The following ZKSCAN1 variants were observed in gnomAD, a reference collection of about 807,000 sequenced individuals.
The protein encoded by ZKSCAN1 is zinc finger with KRAB and SCAN domains 1, also known as zinc finger protein with KRAB and SCAN domains 1.
In ZKSCAN1, 14 loss-of-function variants were observed where a neutral mutation model predicts 51.6. The ratio of observed to expected loss-of-function variants is 0.27; its 90% CI spans 0.18 to 0.42. The LOEUF (loss-of-function observed/expected upper bound fraction) is 0.42, where lower values mean the gene tolerates loss of function less well. Among genes scored for constraint, ZKSCAN1 ranks in the 10% least tolerant of loss-of-function variants. ZKSCAN1 has a pLI of 1.00. For missense variants in ZKSCAN1, 531 were observed against 710.0 expected (o/e 0.75, Z 2.86); for synonymous variants, 263 against 261.5 (o/e 1.01, Z -0.06).
Position 100,037,925 on chromosome 7 carries a change from C to T in ZKSCAN1, c.*3728C>T. 1 of 791,254 alleles carries T rather than the reference C, an allele frequency of 1.3e-6. No individual in the cohort carries two copies. Among genetic ancestry groups the T allele is most frequent in the Non-Finnish European group, 1.5e-6 (1 of 653,214 alleles). 49.0% of individuals were successfully genotyped at this position (791,254 alleles called of 1,614,324 possible). ...GTCCCAGCTACTCGGGAGGCTGAGG[C>T]AGGAGAATGGCTTGAACCTGCGAGG... On this transcript the variant is annotated 3_prime_UTR_variant, in exon 6 of 6. Transcript: ENST00000324306.
At chr7:100,017,190 G>A (rs1233213994) in intron 1 of ZKSCAN1, among the ~76,000 whole-genome samples, 2 of 151,872 alleles carry the variant, frequency 1.3e-5, no homozygotes, top group Non-Finnish European at 2.9e-5. Flanking sequence ...TTAAAAAAAT[G>A]AGTGTAAAGG....
chr7:100,018,432 T>G (rs1420440941), intron 1 of ZKSCAN1, among the ~76,000 whole-genome samples: 1 of 147,462 alleles, frequency 6.8e-6, no homozygotes, highest in Non-Finnish European at 1.5e-5. Context: ...TGAGACAGAG[T>G]CTCGCTCTGT....
At chr7:100,017,331 T>C (rs2115801025) in intron 1 of ZKSCAN1, among the ~76,000 whole-genome samples, 1 of 152,260 alleles carries the variant, frequency 6.6e-6, no homozygotes, top group Non-Finnish European at 1.5e-5. Context: ...CAAGCGATCC[T>C]CCTGCCTCCG....
At chr7:100,031,273 ATTT>A (rs60390216) in intron 5 of ZKSCAN1, among the ~76,000 whole-genome samples, 168 of 89,508 alleles carry the variant, frequency 1.9e-3, no homozygotes, top group South Asian at 5.0e-3. Context: ...GTACTAGATG[ATTT>A]TTTTTTTTTT....
Position 100,039,559 on chromosome 7 carries a change from T to A in ZKSCAN1, c.*5362T>A. On this transcript the variant is annotated 3_prime_UTR_variant, in exon 6 of 6. Coordinates refer to ENST00000324306, the MANE Select transcript of ZKSCAN1 (RefSeq NM_003439.4). Reference sequence around the variant, plus strand: ...GCAAAGACTCGTTGCTGTGAAAGAATCTTTTTTTAATTTTTATCCTAGAGT... The same window carrying A: ...GCAAAGACTCGTTGCTGTGAAAGAAACTTTTTTTAATTTTTATCCTAGAGT... The A allele has an allele frequency of 1.0e-6, 1 of 985,422 alleles. No homozygotes were observed. The allele number at this position is 985,422 out of a possible 1,614,324, so 61.0% of individuals were successfully genotyped here. A position where few individuals can be genotyped will look rare whatever the true frequency, so the allele number is the denominator to read the frequency against.
chr7:100,026,114 G>T (rs1790822255), intron 3 of ZKSCAN1, among the ~76,000 whole-genome samples: 1 of 151,546 alleles, frequency 6.6e-6, no homozygotes, highest in Non-Finnish European at 1.5e-5. Flanking sequence ...CAGCTACTCA[G>T]GAGGCTGAGG....
At chr7:100,029,477 T>C (rs572160860) in intron 3 of ZKSCAN1, among the ~76,000 whole-genome samples, 1 of 152,220 alleles carries the variant, frequency 6.6e-6, no homozygotes, top group South Asian at 2.1e-4. Context: ...TGGAGGAAAT[T>C]AGGAGCCAGA....
Position 100,041,496 on chromosome 7 carries a change from G to A in ZKSCAN1, c.*7299G>A. 5 of 985,406 alleles carry A rather than the reference G, an allele frequency of 5.1e-6. No homozygotes were observed. The highest frequency in any genetic ancestry group is 6.0e-6 in the Non-Finnish European group (5 of 829,932). 61.0% of individuals were successfully genotyped at this position (985,406 alleles called of 1,614,324 possible). On this transcript the variant is annotated 3_prime_UTR_variant, in exon 6 of 6. Transcript: ENST00000324306. Reference sequence around the variant, plus strand: ...ATGAGGGCTAAAGTTTTAATCATAAGAGAAAAGGCAGCATAATGAAATGTG... The same window carrying A: ...ATGAGGGCTAAAGTTTTAATCATAAAAGAAAAGGCAGCATAATGAAATGTG...
Position 100,036,415 on chromosome 7 carries a change from G to T in ZKSCAN1, c.*2218G>T. Reference sequence around the variant, plus strand: ...CCTGTGCTTTTGAGCAAGGACTTTTGCCCTCTAGAAAGCAACTGAGGCCAG... The same window carrying T: ...CCTGTGCTTTTGAGCAAGGACTTTTTCCCTCTAGAAAGCAACTGAGGCCAG... On this transcript the variant is annotated 3_prime_UTR_variant, in exon 6 of 6. Coordinates refer to ENST00000324306, the MANE Select transcript of ZKSCAN1 (RefSeq NM_003439.4). The T allele has an allele frequency of 1.0e-6, 1 of 985,374 alleles. No homozygotes were observed. The allele number at this position is 985,374 out of a possible 1,614,324, so 61.0% of individuals were successfully genotyped here.
Position 100,033,554 on chromosome 7 carries a change from A to C in ZKSCAN1, c.1049A>C (p.Lys350Thr). The C allele has an allele frequency of 6.2e-7, 1 of 1,614,190 alleles. No homozygotes were observed. Among genetic ancestry groups the C allele is most frequent in the Non-Finnish European group, 8.5e-7 (1 of 1,180,028 alleles). The change falls in exon 6 of 6, where the codon AAG (lysine) becomes ACG (threonine). Residue 350 changes from lysine to threonine, a missense_variant. By Grantham distance (78) the Lys-to-Thr change is moderately conservative. Around this residue, in one of 2 missense-constraint regions of ZKSCAN1, gnomAD observed 403 missense variants for 490.5 expected, o/e 0.82. Coordinates refer to ENST00000324306, the MANE Select transcript of ZKSCAN1 (RefSeq NM_003439.4). The surrounding 1 kb of genome is among the most constrained non-coding windows in gnomAD (Gnocchi z 4.1). ...TITGERGPRE[K>T]GKGLGRSFSL... ...ACAGGAGAGAGAGGTCCAAGGGAGA[A>C]GGGGAAAGGATTGGGAAGAAGCTTC... is the stretch of plus-strand genomic sequence containing the variant.
At chr7:100,026,077 A>G (rs1790820025) in intron 3 of ZKSCAN1, among the ~76,000 whole-genome samples, 1 of 152,008 alleles carries the variant, frequency 6.6e-6, no homozygotes, top group Non-Finnish European at 1.5e-5. Context: ...AAAATTAGCC[A>G]GGCCTGGTGG....
downstream of ZKSCAN1, among the ~76,000 whole-genome samples, chr7:100,043,409 TC>T (rs1157569418): frequency 1.3e-5 from 2 of 152,148 alleles, no homozygotes; most frequent in African/African-American, 4.8e-5. Context: ...AAGACAAGTC[TC>T]GTTCTGTTGC....
In ZKSCAN1 at chr7:100,040,763, G is replaced by A. The variant is rs1023996620; in HGVS notation, c.*6566G>A. 4.1e-6 allele frequency: 4 copies of A among 985,360 alleles called. No homozygotes were observed. The highest frequency in any genetic ancestry group is 4.8e-6 in the Non-Finnish European group (4 of 829,968). The allele number at this position is 985,360 out of a possible 1,614,324, so 61.0% of individuals were successfully genotyped here. ...TTGGGGTGTGCTGGGGTTGGTACCC[G>A]AGCGCCTTCCCCTCACCTCAACCAG... On this transcript the variant is annotated 3_prime_UTR_variant, in exon 6 of 6. Coordinates refer to ENST00000324306, the MANE Select transcript of ZKSCAN1 (RefSeq NM_003439.4).
At position 100,033,914 on chromosome 7, in the gene ZKSCAN1, T is replaced by G; in HGVS notation, c.1409T>G (p.Phe470Cys). 6.2e-7 allele frequency: 1 copy of G among 1,614,148 alleles called. No homozygotes were observed. Among genetic ancestry groups the G allele is most frequent in the Non-Finnish European group, 8.5e-7 (1 of 1,180,032 alleles). The change falls in exon 6 of 6, where the codon TTC becomes TGC. Residue 470 changes from phenylalanine to cysteine, a missense_variant. By Grantham distance (205) the Phe-to-Cys change is radical. Coordinates refer to ENST00000324306, the MANE Select transcript of ZKSCAN1 (RefSeq NM_003439.4). The surrounding 1 kb of genome is among the most constrained non-coding windows in gnomAD (Gnocchi z 4.1). ...PYECNECGKA[F>C]SQSSDLTKHQ... ...GAATGTAATGAGTGCGGGAAGGCCT[T>G]CAGCCAGAGCTCGGACCTCACCAAG...
Position 100,040,587 on chromosome 7 carries a change from A to G in ZKSCAN1, c.*6390A>G. On this transcript the variant is annotated 3_prime_UTR_variant, in exon 6 of 6. Coordinates refer to ENST00000324306, the MANE Select transcript of ZKSCAN1 (RefSeq NM_003439.4). ...CTTTGGTCCAGGGAAGGGTCCAAGCAGCCACAGTTGCCCTAAATCTCCATC... is the reference window on the plus strand; with the variant it reads ...CTTTGGTCCAGGGAAGGGTCCAAGCGGCCACAGTTGCCCTAAATCTCCATC... 2.0e-6 allele frequency: 2 copies of G among 985,458 alleles called. No homozygotes were observed. The allele number at this position is 985,458 out of a possible 1,614,324, so 61.0% of individuals were successfully genotyped here.
intron 1 of ZKSCAN1, among the ~76,000 whole-genome samples, chr7:100,018,805 G>A (rs1314124697): frequency 6.6e-6 from 1 of 152,198 alleles, no homozygotes; most frequent in East Asian, 1.9e-4. Context: ...TTCCACTGCT[G>A]TGATGGCTTT....
intron 3 of ZKSCAN1, among the ~76,000 whole-genome samples, chr7:100,028,154 A>G (rs1292751053): frequency 6.6e-6 from 1 of 152,062 alleles, no homozygotes; most frequent in Non-Finnish European, 1.5e-5. Context: ...AGAGATCGAG[A>G]TCATCCTGGC....
At chr7:100,026,488 G>A (rs1393985839) in intron 3 of ZKSCAN1, among the ~76,000 whole-genome samples, 1 of 152,122 alleles carries the variant, frequency 6.6e-6, no homozygotes, top group Non-Finnish European at 1.5e-5. Flanking sequence ...AGCACTTCGG[G>A]AGTCCAAGGT....
intron 1 of ZKSCAN1, among the ~76,000 whole-genome samples, chr7:100,021,255 G>A (rs1380634509): frequency 6.6e-6 from 1 of 151,026 alleles, no homozygotes; most frequent in Non-Finnish European, 1.5e-5. Context: ...CAAATAGCTG[G>A]GATTACAGGC....
Sources: gnomAD v4.1 joint callset for allele counts (sites outside exome capture counted in the v4.1 genomes callset) on GRCh38, gnomAD v4.1.1 for gene constraint, gnomAD v4.1.1 regional missense constraint, Gnocchi (gnomAD v3.1) non-coding constraint, MANE v1.5 for transcripts, NCBI Gene and HGNC (gene_info 2026-07-23, HGNC 2026-07-21) for gene names.